FHL5: variants seen among roughly 807,000 people sequenced by gnomAD.
The protein encoded by FHL5 is four and a half LIM domains protein 5.
A neutral mutation model predicts 32.0 loss-of-function variants in FHL5; 33 were observed. The ratio of observed to expected loss-of-function variants is 1.03; its 90% CI spans 0.78 to 1.38. FHL5 has a LOEUF of 1.38. Among genes scored for constraint, FHL5 ranks in the 40% most tolerant of loss-of-function variants. FHL5 has a pLI of 0.00. For synonymous variants in FHL5, 114 were observed against 113.6 expected (o/e 1.00, Z -0.02); for missense variants, 336 against 343.9 (o/e 0.98, Z 0.18).
chr6:96,584,850 G>C (rs2127964381), intron 1 of FHL5, among the ~76,000 whole-genome samples: 1 of 152,260 alleles, frequency 6.6e-6, no homozygotes, highest in Non-Finnish European at 1.5e-5. Flanking sequence ...TTTAAATAAT[G>C]CTTCTAAGGT....
chr6:96,605,873 A>G, intron 3 of FHL5, 29 bp from the exon 4 acceptor site: 1 of 1,596,388 alleles, frequency 6.3e-7, no homozygotes, highest in Non-Finnish European at 8.6e-7. Context: ...CTTGACTTAT[A>G]CTAACATGGC....
At position 96,609,747 on chromosome 6, in the gene FHL5, C is replaced by A. The variant is rs568179316; in HGVS notation, c.505-825C>A. 1.5e-4 allele frequency among the ~76,000 whole-genome samples: 23 copies of A among 152,258 alleles called. No homozygotes were observed. The South Asian group carries it at 2.7e-3, about 18-fold the overall frequency. On this transcript the variant is annotated intron_variant, in intron 4 of 5. Coordinates refer to ENST00000450218, the MANE Select transcript of FHL5 (RefSeq NM_001322466.2). ...TCAACTGCTTATCTGTGTAAGGTAA[C>A]CTTGACTCAGTATGGCACTGATGGT...
At chr6:96,605,828 AT>A in intron 3 of FHL5, 73 bp from the exon 4 acceptor site, 1 of 1,209,718 alleles carries the variant, frequency 8.3e-7, no homozygotes, top group Middle Eastern at 2.0e-4. Flanking sequence ...TTTTTAAGTA[AT>A]TTGATCTGTA....
chr6:96,578,920 G>A (rs1157575493), intron 1 of FHL5, among the ~76,000 whole-genome samples: 14 of 152,204 alleles, frequency 9.2e-5, no homozygotes, highest in South Asian at 2.1e-4. Context: ...AAGTATTTGC[G>A]AAATTTCATT....
intron 1 of FHL5, among the ~76,000 whole-genome samples, chr6:96,570,497 G>A (rs899306024): frequency 6.6e-6 from 1 of 152,050 alleles, no homozygotes; most frequent in African/African-American, 2.4e-5. Flanking sequence ...GTTTCCTGGA[G>A]CTGGATGTTC....
At chr6:96,588,084 G>A (rs1045452922) in intron 1 of FHL5, among the ~76,000 whole-genome samples, 2 of 152,324 alleles carry the variant, frequency 1.3e-5, no homozygotes, top group East Asian at 3.9e-4. Context: ...ACTTAGGGGT[G>A]AAATTGTTGA....
At chr6:96,564,346 G>A (rs1251563263) in intron 1 of FHL5, among the ~76,000 whole-genome samples, 1 of 152,106 alleles carries the variant, frequency 6.6e-6, no homozygotes, top group East Asian at 1.9e-4. Context: ...TATGTGTTAT[G>A]ATATATGCTT....
intron 1 of FHL5, among the ~76,000 whole-genome samples, chr6:96,569,508 G>C (rs980901913): frequency 5.9e-5 from 9 of 152,006 alleles, no homozygotes; most frequent in African/African-American, 2.2e-4. Context: ...TGAATGATCT[G>C]TCCAATGCTG....
In FHL5 at chr6:96,598,264, C is replaced by A. The variant is rs544633948; in HGVS notation, c.-12-5338C>A. Among the ~76,000 whole-genome samples the A allele has an allele frequency of 8.5e-5, 13 of 152,320 alleles. No individual in the cohort carries two copies. The South Asian group carries it at 2.7e-3, about 32-fold the overall frequency. ...ACCACTCACATCTCAGCCAGCCAAT[C>A]TGCCACCATCAACAGCAGCAGGAAC... On this transcript the variant is annotated intron_variant, in intron 1 of 5. Transcript: ENST00000450218.
intron 3 of FHL5, among the ~76,000 whole-genome samples, chr6:96,605,170 A>C (rs971115002): frequency 2.0e-5 from 3 of 152,232 alleles, no homozygotes; most frequent in Non-Finnish European, 4.4e-5. Context: ...TTCAAACCAG[A>C]ATCTTACCCA....
At chr6:96,593,284 A>G (rs1187286020) in intron 1 of FHL5, among the ~76,000 whole-genome samples, 1 of 152,096 alleles carries the variant, frequency 6.6e-6, no homozygotes, top group Admixed American at 6.6e-5. Context: ...TATAACTCCA[A>G]AATCTATGGC....
intron 5 of FHL5, among the ~76,000 whole-genome samples, chr6:96,611,810 G>GA (rs1262650169): frequency 3.9e-5 from 6 of 152,104 alleles, no homozygotes; most frequent in Admixed American, 1.3e-4. Context: ...GGTGTCACCA[G>GA]AAAAAAACAG....
intron 3 of FHL5, 63 bp downstream of exon 3, chr6:96,604,987 C>A: frequency 2.2e-6 from 3 of 1,344,710 alleles, no homozygotes; most frequent in Non-Finnish European, 3.0e-6. Flanking sequence ...TAAGTCCCAG[C>A]ACATGAGGAG....
intron 1 of FHL5, among the ~76,000 whole-genome samples, chr6:96,586,045 A>G (rs1331130824): frequency 1.3e-5 from 2 of 152,172 alleles, no homozygotes; most frequent in Admixed American, 6.5e-5. Context: ...AAAAAAAGAA[A>G]TAACTTCATT....
chr6:96,617,799 T>C lies in FHL5; in HGVS notation c.*2027T>C, dbSNP rs1771553254. Among the ~76,000 whole-genome samples the C allele has an allele frequency of 6.6e-6, 1 of 152,178 alleles. No homozygotes were observed. Among genetic ancestry groups the C allele is most frequent in the Non-Finnish European group, 1.5e-5 (1 of 68,024 alleles). On this transcript the variant is annotated 3_prime_UTR_variant, in exon 6 of 6. Coordinates refer to ENST00000450218, the MANE Select transcript of FHL5 (RefSeq NM_001322466.2). ...TGTGTGGGGGCAGTGAGTATGCACATGATCAGACTTGTATTCTAGCTTTAC... is the reference window on the plus strand; with the variant it reads ...TGTGTGGGGGCAGTGAGTATGCACACGATCAGACTTGTATTCTAGCTTTAC...
At chr6:96,601,285 G>A (rs1219767987) in intron 1 of FHL5, among the ~76,000 whole-genome samples, 1 of 151,716 alleles carries the variant, frequency 6.6e-6, no homozygotes, top group African/African-American at 2.4e-5. Flanking sequence ...AGTGAGCCGA[G>A]ATCACACCAC....
At chr6:96,603,034 G>A (rs1488640167) in intron 1 of FHL5, among the ~76,000 whole-genome samples, 1 of 152,192 alleles carries the variant, frequency 6.6e-6, no homozygotes, top group Non-Finnish European at 1.5e-5. Context: ...CCACAGCCAA[G>A]GAGGGGATGT....
intron 1 of FHL5, among the ~76,000 whole-genome samples, chr6:96,583,815 T>C (rs982204785): frequency 2.6e-5 from 4 of 152,170 alleles, no homozygotes; most frequent in African/African-American, 9.6e-5. Context: ...CTAGCTGTTA[T>C]GCTCCGTCCT....
Position 96,567,004 on chromosome 6 carries a change from T to C in FHL5, c.-13+3649T>C, listed in dbSNP as rs112129245. Reference sequence around the variant, plus strand: ...CTTTTTAGTTTGACATAATTTCATTTGTCTATTTTTGCTTTGGTTGTCTGT... The same window carrying C: ...CTTTTTAGTTTGACATAATTTCATTCGTCTATTTTTGCTTTGGTTGTCTGT... On this transcript the variant is annotated intron_variant, in intron 1 of 5. Transcript: ENST00000450218. 4.5e-3 allele frequency among the ~76,000 whole-genome samples: 689 copies of C among 152,156 alleles called. 6 individuals carry two copies. The highest frequency in any genetic ancestry group is 0.013 in the African/African-American group (542 of 41,568).
Sources: allele counts gnomAD v4.1 joint callset (sites outside exome capture counted in the v4.1 genomes callset), GRCh38; gene constraint gnomAD v4.1.1; transcripts MANE v1.5; gene names NCBI Gene and HGNC (gene_info 2026-07-23, HGNC 2026-07-21).